Variants in TDRD3 observed in about 807,000 individuals in gnomAD.
The protein encoded by TDRD3 is tudor domain-containing protein 3.
Under a neutral mutation model 86.7 loss-of-function variants are expected in TDRD3, and 45 were observed. That is an observed-to-expected ratio of 0.52 (90% confidence interval 0.41 to 0.67). The LOEUF is 0.67. Ranked by LOEUF, TDRD3 falls within the 30% of genes least tolerant of loss-of-function variation. The pLI is 0.00. For missense variants in TDRD3, 814 were observed against 889.0 expected (o/e 0.92, Z 1.07); for synonymous variants, 298 against 301.7 (o/e 0.99, Z 0.13).
At chr13:60,562,322 CA>C (rs1215666511) in intron 12 of TDRD3, among the ~76,000 whole-genome samples, 1 of 151,482 alleles carries the variant, frequency 6.6e-6, no homozygotes, top group African/African-American at 2.4e-5. Context: ...CCCTTCCCCC[CA>C]CCCCCGGCAA....
chr13:60,438,998 AT>A (rs1955188311), intron 1 of TDRD3, among the ~76,000 whole-genome samples: 1 of 152,054 alleles, frequency 6.6e-6, no homozygotes, highest in African/African-American at 2.4e-5. Context: ...GTAGAGACGA[AT>A]TTTTTTCCTT....
At chr13:60,565,354 CGTCA>C (rs1566310630) in intron 12 of TDRD3, among the ~76,000 whole-genome samples, 1 of 152,008 alleles carries the variant, frequency 6.6e-6, no homozygotes, top group East Asian at 1.9e-4. Context: ...CGCGCCCGGC[CGTCA>C]GTATCTTTTT....
intron 1 of TDRD3, among the ~76,000 whole-genome samples, chr13:60,400,899 AG>A (rs1324218416): frequency 4.6e-5 from 7 of 152,322 alleles, no homozygotes; most frequent in Admixed American, 4.6e-4. Flanking sequence ...ATAAAGATTC[AG>A]TACTCATTTC....
intron 12 of TDRD3, among the ~76,000 whole-genome samples, chr13:60,542,592 A>AATTAT (rs958937427): frequency 1.6e-4 from 24 of 152,108 alleles, no homozygotes; most frequent in African/African-American, 5.6e-4. Flanking sequence ...TCTCCTTTAT[A>AATTAT]AGTCAGTGAT....
Position 60,456,830 on chromosome 13 carries a change from C to T in TDRD3, c.193-3550C>T, listed in dbSNP as rs376612880. On this transcript the variant is annotated intron_variant, in intron 3 of 13. Transcript: ENST00000377881. The stretch of plus-strand genomic sequence containing the variant: ...GCCATCTCAGCCTCCCAAGTAGCTG[C>T]GGCTACAAGCACACACCACCACGCT... 7.2e-5 allele frequency among the ~76,000 whole-genome samples: 11 copies of T among 151,976 alleles called. No homozygotes were observed. In the East Asian group the frequency reaches 1.4e-3, roughly 19 times the overall value.
chr13:60,518,935 A>T (rs1957228624), intron 10 of TDRD3, among the ~76,000 whole-genome samples: 1 of 152,110 alleles, frequency 6.6e-6, no homozygotes, highest in Non-Finnish European at 1.5e-5. Context: ...CTTTGCTGTG[A>T]ATTTTTGAAA....
intron 12 of TDRD3, among the ~76,000 whole-genome samples, chr13:60,557,055 A>C (rs1958204287): frequency 6.6e-6 from 1 of 151,910 alleles, no homozygotes; most frequent in Non-Finnish European, 1.5e-5. Flanking sequence ...AAATACAAAA[A>C]ATTAGCCGGG....
At chr13:60,399,287 C>A (rs1307678513) in intron 1 of TDRD3, among the ~76,000 whole-genome samples, 1 of 152,212 alleles carries the variant, frequency 6.6e-6, no homozygotes, top group African/African-American at 2.4e-5. Context: ...TATAAATCTT[C>A]AGCAATGTTA....
At chr13:60,552,825 C>T (rs988028935) in intron 12 of TDRD3, among the ~76,000 whole-genome samples, 3 of 152,218 alleles carry the variant, frequency 2.0e-5, no homozygotes, top group Non-Finnish European at 4.4e-5. Flanking sequence ...GGTCTTGCAC[C>T]CTTTGAAGCC....
At chr13:60,532,678 A>G (rs955989672) in intron 11 of TDRD3, among the ~76,000 whole-genome samples, 1 of 152,200 alleles carries the variant, frequency 6.6e-6, no homozygotes, top group Non-Finnish European at 1.5e-5. Context: ...CTTCATTTCC[A>G]TAGGAGAATT....
chr13:60,430,681 A>G (rs933804094), intron 1 of TDRD3, among the ~76,000 whole-genome samples: 1 of 152,134 alleles, frequency 6.6e-6, no homozygotes, highest in African/African-American at 2.4e-5. Context: ...TAATATATCA[A>G]TTATGGGATT....
At chr13:60,408,027 G>A (rs943756064) in intron 1 of TDRD3, among the ~76,000 whole-genome samples, 10 of 152,214 alleles carry the variant, frequency 6.6e-5, no homozygotes, top group African/African-American at 9.6e-5. Context: ...TCTTGCCGCC[G>A]CCATGTAAGA....
At chr13:60,551,668 G>A (rs777629701) in intron 12 of TDRD3, among the ~76,000 whole-genome samples, 9 of 151,888 alleles carry the variant, frequency 5.9e-5, no homozygotes, top group Non-Finnish European at 8.8e-5. Context: ...GTATTAGTCC[G>A]TTTTCACACT....
chr13:60,397,287 A>AT lies in TDRD3; in HGVS notation c.-78_-77insT. 1.8e-6 allele frequency: 1 copy of AT among 568,556 alleles called. No individual in the cohort carries two copies. The highest frequency in any genetic ancestry group is 2.7e-6 in the Non-Finnish European group (1 of 373,104). 35.2% of individuals were successfully genotyped at this position (568,556 alleles called of 1,614,324 possible). A position where few individuals can be genotyped will look rare whatever the true frequency, so the allele number is the denominator to read the frequency against. ...CTTTTCTTTTCTTTTTTTTTTTTTA[A>AT]GGGGGGGGGTCTCAAGTAGGAGGCC... On this transcript the variant is annotated 5_prime_UTR_variant, in exon 1 of 14. In the 5' UTR this introduces an upstream ATG that the reference lacks. Transcript: ENST00000377881.
At chr13:60,494,619 A>G (rs1956675213) in intron 8 of TDRD3, 44 bp downstream of exon 8, 1 of 1,575,952 alleles carries the variant, frequency 6.3e-7, no homozygotes, top group Non-Finnish European at 8.7e-7. Context: ...GTTATTTCTT[A>G]AAATGATTCT....
At chr13:60,473,952 A>T (rs1956127745) in intron 5 of TDRD3, among the ~76,000 whole-genome samples, 1 of 151,782 alleles carries the variant, frequency 6.6e-6, no homozygotes, top group Non-Finnish European at 1.5e-5. Flanking sequence ...GTTAGAGAAG[A>T]CTCTGCTCCA....
intron 11 of TDRD3, among the ~76,000 whole-genome samples, chr13:60,532,958 TATC>T: frequency 6.6e-6 from 1 of 152,216 alleles, no homozygotes; most frequent in East Asian, 1.9e-4. Context: ...AAGTTGAAAA[TATC>T]ATAAGTCAAA....
At chr13:60,532,846 T>G (rs1957616104) in intron 11 of TDRD3, among the ~76,000 whole-genome samples, 1 of 152,246 alleles carries the variant, frequency 6.6e-6, no homozygotes, top group Non-Finnish European at 1.5e-5. Context: ...ACTGTGATCC[T>G]GGTCTTAGAC....
At chr13:60,440,388 A>T (rs766667819) in intron 2 of TDRD3, among the ~76,000 whole-genome samples, 3 of 152,076 alleles carry the variant, frequency 2.0e-5, no homozygotes, top group Non-Finnish European at 4.4e-5. Flanking sequence ...TGAAATAAAA[A>T]TGTAAGTAAA....
Sources: gnomAD v4.1 joint callset for allele counts (sites outside exome capture counted in the v4.1 genomes callset) on GRCh38, gnomAD v4.1.1 for gene constraint, MANE v1.5 for transcripts, NCBI Gene and HGNC (gene_info 2026-07-23, HGNC 2026-07-21) for gene names.